The following GRAMD2B variants were observed in gnomAD, a reference collection of about 807,000 sequenced individuals.
GRAMD2B encodes GRAM domain containing 2B.
Under a neutral mutation model 59.2 loss-of-function variants are expected in GRAMD2B, and 41 were observed. That is an observed-to-expected ratio of 0.69 (90% CI 0.54 to 0.90). GRAMD2B has a LOEUF of 0.90. Among genes scored for constraint, GRAMD2B ranks in the 40% least tolerant of loss-of-function variants. The pLI is 0.00. For missense variants in GRAMD2B, 424 were observed against 500.5 expected, an observed-to-expected ratio of 0.85 and a Z score of 1.46; for synonymous variants, 161 against 182.7, an observed-to-expected ratio of 0.88 and a Z score of 0.96.
At position 126,429,906 on chromosome 5, in the gene GRAMD2B, A is replaced by C. The variant is rs73334416; in HGVS notation, c.83+6217A>C. On this transcript the variant is annotated intron_variant, in intron 1 of 13. Transcript: ENST00000285689. ...ATTGCTTACTGATTTGGTGTTATAC[A>C]TCTGTTGTCCAATACTTCTATCCAT... Among the ~76,000 whole-genome samples, 338 of 152,314 alleles carry C rather than the reference A, an allele frequency of 2.2e-3. 2 individuals are homozygous for C. Among genetic ancestry groups the C allele is most frequent in the African/African-American group, 7.7e-3 (321 of 41,578 alleles).
In GRAMD2B at chr5:126,477,673, C is replaced by T. The variant is rs118116307; in HGVS notation, c.487-19C>T. 841 of 1,389,768 alleles carry T rather than the reference C, an allele frequency of 6.1e-4. 11 individuals carry two copies. In the East Asian group the frequency reaches 0.018, roughly 30 times the overall value. 86.1% of individuals were successfully genotyped at this position (1,389,768 alleles called of 1,614,324 possible). On this transcript the variant is annotated intron_variant, in intron 5 of 13. Transcript: ENST00000285689. ...TCTGTCAAGTCTGAACTGGCATTAA[C>T]TTGCTGATTCTGTTTCAGATCTCTA...
At chr5:126,425,506 C>T (rs1287286271) in intron 1 of GRAMD2B, among the ~76,000 whole-genome samples, 1 of 152,202 alleles carries the variant, frequency 6.6e-6, no homozygotes, top group East Asian at 1.9e-4. Flanking sequence ...GTGGCTCATG[C>T]CCATAATCCC....
At chr5:126,423,391 T>C, upstream of GRAMD2B, 1 of 1,346,764 alleles carries the variant, frequency 7.4e-7, no homozygotes, top group Non-Finnish European at 9.5e-7. Context: ...TCTCGGCTTT[T>C]CCACAGTGGG....
chr5:126,392,199 T>C (rs1053697011), intron 1 of GRAMD2B, among the ~76,000 whole-genome samples: 3 of 151,880 alleles, frequency 2.0e-5, no homozygotes, highest in Middle Eastern at 3.2e-3. Flanking sequence ...AGAAAAGGGG[T>C]TGTGTTCCCC....
At chr5:126,471,471 CAG>C (rs1161375823) in intron 3 of GRAMD2B, among the ~76,000 whole-genome samples, 1 of 152,200 alleles carries the variant, frequency 6.6e-6, no homozygotes. Context: ...GTTGTGAAAA[CAG>C]ATCCCTTGAG....
chr5:126,422,923 C>CA (rs1554076988), upstream of GRAMD2B, among the ~76,000 whole-genome samples: 2 of 151,244 alleles, frequency 1.3e-5, no homozygotes, highest in Non-Finnish European at 2.9e-5. Context: ...CCACCCCCCC[C>CA]ACCCCAGAAC....
At chr5:126,460,292 G>C (rs1435042601) in intron 1 of GRAMD2B, among the ~76,000 whole-genome samples, 9 of 151,932 alleles carry the variant, frequency 5.9e-5, no homozygotes. Flanking sequence ...ATGAAACAGG[G>C]GTAAAAAGAA....
intron 1 of GRAMD2B, among the ~76,000 whole-genome samples, chr5:126,407,407 C>G (rs1337145664): frequency 2.0e-5 from 3 of 151,990 alleles, no homozygotes; most frequent in Non-Finnish European, 4.4e-5. Context: ...AGCCTCTATT[C>G]CACCAGGGTT....
At chr5:126,382,984 C>T (rs1012900889) in intron 1 of GRAMD2B, among the ~76,000 whole-genome samples, 1 of 152,146 alleles carries the variant, frequency 6.6e-6, no homozygotes, top group African/African-American at 2.4e-5. Flanking sequence ...AGCCACTCAG[C>T]AGAGCTACCA....
At chr5:126,387,745 G>A (rs945771298) in intron 1 of GRAMD2B, among the ~76,000 whole-genome samples, 2 of 151,976 alleles carry the variant, frequency 1.3e-5, no homozygotes, top group African/African-American at 4.8e-5. Flanking sequence ...TGGAGGAACA[G>A]AAAGAAGAGA....
Position 126,423,669 on chromosome 5 carries a change from G to C in GRAMD2B, c.63G>C (p.Glu21Asp), listed in dbSNP as rs753753314. 1.9e-6 allele frequency: 3 copies of C among 1,608,628 alleles called. No individual in the cohort carries two copies. The highest frequency in any genetic ancestry group is 2.5e-6 in the Non-Finnish European group (3 of 1,178,044). The change falls in exon 1 of 14, where the codon GAG becomes GAC. Residue 21 changes from glutamate to aspartate, a missense_variant. Coordinates refer to ENST00000285689, the MANE Select transcript of GRAMD2B (RefSeq NM_023927.4). ...TKPAKVLGKR[E>D]SKLGSAHSEA... ...CTGCGAAAGTGCTCGGGAAGAGGGA[G>C]AGCAAACTTGGCTCAGCCCAGTGAG...
intron 1 of GRAMD2B, among the ~76,000 whole-genome samples, chr5:126,380,064 C>G (rs1224460256): frequency 6.6e-6 from 1 of 152,070 alleles, no homozygotes; most frequent in Non-Finnish European, 1.5e-5. Context: ...GCCTTTGTTC[C>G]ATCTTGAGGA....
At chr5:126,460,097 A>G (rs1227303991) in intron 1 of GRAMD2B, among the ~76,000 whole-genome samples, 1 of 152,324 alleles carries the variant, frequency 6.6e-6, no homozygotes, top group Non-Finnish European at 1.5e-5. Flanking sequence ...TATGAGGAAG[A>G]TCTATGGGTA....
At chr5:126,483,787 C>T (rs1017069825) in intron 9 of GRAMD2B, 3 of 525,716 alleles carry the variant, frequency 5.7e-6, no homozygotes, top group Non-Finnish European at 3.3e-6. Context: ...CTTTTATGCA[C>T]ATTTAACAGA....
intron 1 of GRAMD2B, among the ~76,000 whole-genome samples, chr5:126,459,720 G>A (rs1200675829): frequency 2.0e-5 from 3 of 152,174 alleles, no homozygotes; most frequent in South Asian, 2.1e-4. Flanking sequence ...CGCTAGTCAC[G>A]ATTAAAATGA....
At chr5:126,473,185 T>A (rs986911909) in intron 4 of GRAMD2B, 80 bp from the exon 5 acceptor site, 4 of 487,504 alleles carry the variant, frequency 8.2e-6, no homozygotes, top group Non-Finnish European at 1.5e-5. Flanking sequence ...CTGCCCATCC[T>A]TGAGTCACCA....
At chr5:126,473,184 CT>C (rs1769949993) in intron 4 of GRAMD2B, 80 bp from the exon 5 acceptor site, 1 of 483,164 alleles carries the variant, frequency 2.1e-6, no homozygotes, top group Non-Finnish European at 3.7e-6. Flanking sequence ...TCTGCCCATC[CT>C]TGAGTCACCA....
rs10213793 is a variant in GRAMD2B, at chr5:126,491,661, G to A, written c.1258-1254G>A. Among the ~76,000 whole-genome samples, 1,054 of 152,058 alleles carry A rather than the reference G, an allele frequency of 6.9e-3. 8 individuals are homozygous for A. The highest frequency in any genetic ancestry group is 0.011 in the Non-Finnish European group (748 of 67,978). ...AAAAAACAATATGTTCTTTCTTTTC[G>A]TCTGCAAGGTTTCTACTCCCATCAC... is the stretch of plus-strand genomic sequence containing the variant. On this transcript the variant is annotated intron_variant, in intron 13 of 13. Transcript: ENST00000285689.
intron 1 of GRAMD2B, among the ~76,000 whole-genome samples, chr5:126,395,717 G>A (rs936151113): frequency 6.6e-6 from 1 of 152,162 alleles, no homozygotes; most frequent in Admixed American, 6.5e-5. Context: ...AAAGCAGCAA[G>A]AGAGAGCCTG....
Sources: gnomAD v4.1 joint callset for allele counts (sites outside exome capture counted in the v4.1 genomes callset) on GRCh38, gnomAD v4.1.1 for gene constraint, MANE v1.5 for transcripts, NCBI Gene and HGNC (gene_info 2026-07-23, HGNC 2026-07-21) for gene names.